MESP1: variants seen among roughly 807,000 people sequenced by gnomAD.
The protein encoded by MESP1 is mesoderm posterior protein 1.
In MESP1, 22 loss-of-function variants were observed where a neutral mutation model predicts 15.2. The observed-to-expected ratio is 1.45, with a 90% CI of 1.04 to 2.07. The LOEUF (loss-of-function observed/expected upper bound fraction) is 2.07. Ranked by LOEUF, MESP1 falls within the 30% of genes most tolerant of loss-of-function variation. MESP1 has a pLI of 0.00. For synonymous variants in MESP1, 216 were observed against 192.6 expected, an observed-to-expected ratio of 1.12 and a Z score of -1.01; for missense variants, 484 against 411.9, an observed-to-expected ratio of 1.17 and a Z score of -1.51.
chr15:89,733,101 T>C, the MESP1 span: 10 of 1,614,108 alleles, frequency 6.2e-6, no homozygotes, highest in African/African-American at 8.0e-5. Flanking sequence ...ACAGAATATG[T>C]ATCCTGAAGG....
downstream of MESP1, among the ~76,000 whole-genome samples, chr15:89,747,552 C>T (rs1967995040): frequency 6.6e-6 from 1 of 152,262 alleles, no homozygotes; most frequent in South Asian, 2.1e-4. Context: ...CACGTGGGGC[C>T]TGGCCCAGAC....
the MESP1 span, among the ~76,000 whole-genome samples, chr15:89,736,837 G>C: frequency 6.6e-6 from 1 of 151,430 alleles, no homozygotes; most frequent in South Asian, 2.1e-4. Context: ...TGCCGCCCAG[G>C]CTGGAGTGCA....
rs773099848 is a variant in MESP1, at chr15:89,750,133, G to T, written c.*11C>A. Reference sequence around the variant, plus strand: ...CTCGGTGCTCACAGAGACGGCGTCAGTTGTCCCTTGTCACTTGGGCTCCTC... The same window carrying T: ...CTCGGTGCTCACAGAGACGGCGTCATTTGTCCCTTGTCACTTGGGCTCCTC... On this transcript the variant is annotated 3_prime_UTR_variant, in exon 2 of 2. Coordinates refer to ENST00000300057, the MANE Select transcript of MESP1 (RefSeq NM_018670.4). The T allele has an allele frequency of 1.2e-6, 2 of 1,613,546 alleles. No homozygotes were observed. Among genetic ancestry groups the T allele is most frequent in the South Asian group, 2.2e-5 (2 of 91,082 alleles).
At chr15:89,744,265 G>T in the MESP1 span, among the ~76,000 whole-genome samples, 2 of 152,188 alleles carry the variant, frequency 1.3e-5, no homozygotes, top group African/African-American at 2.4e-5. Flanking sequence ...CACATTCCTT[G>T]TTGGCCAGAC....
In MESP1 at chr15:89,750,889, G is replaced by C. The variant is rs1968079603; in HGVS notation, c.343C>G (p.Pro115Ala). 8.0e-6 allele frequency: 12 copies of C among 1,498,890 alleles called. No homozygotes were observed. Among genetic ancestry groups the C allele is most frequent in the Non-Finnish European group, 1.1e-5 (12 of 1,130,260 alleles). The allele number at this position is 1,498,890 out of a possible 1,614,324, so 92.8% of individuals were successfully genotyped here. A position where few individuals can be genotyped will look rare whatever the true frequency, so the allele number is the denominator to read the frequency against. The change falls in exon 1 of 2, where the codon CCC becomes GCC. Residue 115 changes from proline (P) to alanine (A), a missense_variant. Physicochemically the swap from Pro to Ala is conservative, Grantham distance 27. Coordinates refer to ENST00000300057, the MANE Select transcript of MESP1 (RefSeq NM_018670.4). ...LRRFLPPSVAPAGQSLTKIET... is the reference protein window; with the variant it reads ...LRRFLPPSVAAAGQSLTKIET... The stretch of plus-strand genomic sequence containing the variant: ...ATCTTGGTCAGGCTCTGGCCCGCGG[G>C]CGCCACGGACGGCGGTAGAAAGCGG...
At chr15:89,743,267 C>T in the MESP1 span, 1 of 1,612,884 alleles carries the variant, frequency 6.2e-7, no homozygotes, top group African/African-American at 1.3e-5. Flanking sequence ...GGAGATTCCT[C>T]TCATCACAGT....
chr15:89,738,011 A>G, the MESP1 span: 1 of 1,573,484 alleles, frequency 6.4e-7, no homozygotes, highest in Non-Finnish European at 8.6e-7. Context: ...CGATTGTTAC[A>G]CAGAACATGG....
At chr15:89,738,108 T>C in the MESP1 span, 2 of 1,613,966 alleles carry the variant, frequency 1.2e-6, no homozygotes, top group Non-Finnish European at 8.5e-7. Context: ...TCTATTTTAA[T>C]TTTGAGGCCT....
downstream of MESP1, among the ~76,000 whole-genome samples, chr15:89,748,095 G>A (rs1262719390): frequency 6.6e-5 from 10 of 152,258 alleles, no homozygotes; most frequent in Non-Finnish European, 1.3e-4. Context: ...GAAGCCCTCT[G>A]CAGGGAAGGG....
At chr15:89,735,909 A>T in the MESP1 span, among the ~76,000 whole-genome samples, 1 of 152,106 alleles carries the variant, frequency 6.6e-6, no homozygotes, top group Non-Finnish European at 1.5e-5. Flanking sequence ...GAGCCAGAGG[A>T]GTTGAGAAGG....
At chr15:89,741,937 G>C in the MESP1 span, among the ~76,000 whole-genome samples, 3 of 152,140 alleles carry the variant, frequency 2.0e-5, no homozygotes, top group Admixed American at 6.5e-5. Flanking sequence ...TTTTTTAGTA[G>C]AGACGGGGTT....
rs746226182 is a variant in MESP1 at position 89,750,923 on chromosome 15, G to A, written c.309C>T (p.His103=). Reference sequence around the variant, plus strand: ...ACGGCGGTAGAAAGCGGCGCAGCTCGTGCAGGGCGCGGGCCAGCGTGCGCA... The same window carrying A: ...ACGGCGGTAGAAAGCGGCGCAGCTCATGCAGGGCGCGGGCCAGCGTGCGCA... ...LRMRTLARAL[H]ELRRFLPPSV... Residue 103 remains histidine, a synonymous_variant, in exon 1 of 2, where the codon CAC becomes CAT. Transcript: ENST00000300057. 6.8e-7 allele frequency: 1 copy of A among 1,476,370 alleles called. No homozygotes were observed. The highest frequency in any genetic ancestry group is 8.9e-7 in the Non-Finnish European group (1 of 1,117,880). 91.5% of individuals were successfully genotyped at this position (1,476,370 alleles called of 1,614,324 possible).
chr15:89,751,217 C>G lies in MESP1; in HGVS notation c.15G>C (p.Leu5=). The G allele has an allele frequency of 8.0e-7, 1 of 1,247,318 alleles. No individual in the cohort carries two copies. Among genetic ancestry groups the G allele is most frequent in the South Asian group, 3.7e-5 (1 of 26,772 alleles). 77.3% of individuals were successfully genotyped at this position (1,247,318 alleles called of 1,614,324 possible). The stretch of plus-strand genomic sequence containing the variant: ...TCCAGGACTCGGAGAGCGGCGGGCA[C>G]AGGGGCTGGGCCATGGCAGCGGCGG... MAQP[L]CPPLSESWML... The change falls in exon 1 of 2, where the codon CTG becomes CTC. Residue 5 remains leucine, a synonymous_variant. Transcript: ENST00000300057.
chr15:89,746,459 CCACA>C (rs369248261), downstream of MESP1, among the ~76,000 whole-genome samples: 5 of 149,546 alleles, frequency 3.3e-5, no homozygotes, highest in African/African-American at 1.0e-4. Context: ...ATCCACACCT[CCACA>C]CACACACACA....
the MESP1 span, among the ~76,000 whole-genome samples, chr15:89,735,017 C>T: frequency 5.3e-5 from 8 of 150,464 alleles, no homozygotes; most frequent in East Asian, 2.0e-4. Context: ...TCTTTCCTTC[C>T]GTGCATCCTT....
At chr15:89,744,666 T>C in the MESP1 span, among the ~76,000 whole-genome samples, 1 of 152,212 alleles carries the variant, frequency 6.6e-6, no homozygotes, top group African/African-American at 2.4e-5. Context: ...GGCTTCTCCA[T>C]AGCAAATGCT....
At chr15:89,738,275 G>A in the MESP1 span, 1 of 1,535,314 alleles carries the variant, frequency 6.5e-7, no homozygotes, top group Non-Finnish European at 8.8e-7. Context: ...CCACATCTGA[G>A]GTTGTCTCTG....
downstream of MESP1, among the ~76,000 whole-genome samples, chr15:89,747,004 C>T (rs1349746045): frequency 6.8e-6 from 1 of 146,362 alleles, no homozygotes; most frequent in African/African-American, 2.5e-5. Flanking sequence ...CACACACACA[C>T]ATATGCTCAC....
downstream of MESP1, chr15:89,748,770 A>T (rs930893571): frequency 6.6e-6 from 1 of 152,220 alleles, no homozygotes; most frequent in Non-Finnish European, 1.5e-5. Flanking sequence ...GTGAGGAGTG[A>T]TGTTAACAGG....
Sources: gnomAD v4.1 joint callset for allele counts (sites outside exome capture counted in the v4.1 genomes callset) on GRCh38, gnomAD v4.1.1 for gene constraint, MANE v1.5 for transcripts, NCBI Gene and HGNC (gene_info 2026-07-23, HGNC 2026-07-21) for gene names.